Variants in SIPA1L3 observed in about 807,000 individuals in gnomAD.
SIPA1L3 encodes signal-induced proliferation-associated 1-like protein 3.
SIPA1L3 carries 59 observed loss-of-function variants against 150.1 expected under a neutral mutation model. The observed-to-expected ratio is 0.39, with a 90% confidence interval of 0.32 to 0.49. SIPA1L3 has a LOEUF of 0.49. SIPA1L3 is among the 20% of genes least tolerant of loss of function. SIPA1L3 has a pLI of 0.86. For synonymous variants in SIPA1L3, 1,070 were observed against 1,077.6 expected (o/e 0.99, Z 0.14); for missense variants, 2,211 against 2,489.5 (o/e 0.89, Z 2.38).
intron 2 of SIPA1L3, among the ~76,000 whole-genome samples, chr19:38,058,414 C>A (rs1272298410): frequency 6.6e-6 from 1 of 152,086 alleles, no homozygotes; most frequent in African/African-American, 2.4e-5. Context: ...AAGACAGGTG[C>A]CCCCCTGCAT....
rs542423351 is a variant in SIPA1L3, at chr19:38,067,370, CA to C, written c.-310-13885del. Among the ~76,000 whole-genome samples, 235 of 152,318 alleles carry C rather than the reference CA, an allele frequency of 1.5e-3. 1 individual carries two copies. Among genetic ancestry groups the C allele is most frequent in the African/African-American group, 5.4e-3 (225 of 41,578 alleles). The stretch of plus-strand genomic sequence containing the variant: ...GGGAGCCTTGCCAATTTGAATGTAA[CA>C]GCTGGACGTGGCCTCCCTCTCTCCT... On this transcript the variant is annotated intron_variant, in intron 2 of 21. Transcript: ENST00000222345.
chr19:38,056,294 C>T (rs569196839), intron 2 of SIPA1L3, among the ~76,000 whole-genome samples: 1 of 152,256 alleles, frequency 6.6e-6, no homozygotes, highest in East Asian at 1.9e-4. Flanking sequence ...CGGCAGGTCA[C>T]GATCTCCATG....
At chr19:38,102,010 T>C (rs1447258049) in intron 6 of SIPA1L3, among the ~76,000 whole-genome samples, 1 of 152,062 alleles carries the variant, frequency 6.6e-6, no homozygotes, top group Non-Finnish European at 1.5e-5. Context: ...ACCTGAATGA[T>C]GTCTTTTACA....
chr19:37,987,573 A>T (rs1568490374), intron 1 of SIPA1L3, among the ~76,000 whole-genome samples: 1 of 152,196 alleles, frequency 6.6e-6, no homozygotes, highest in Non-Finnish European at 1.5e-5. Context: ...GATCATCAAA[A>T]GTGTCTCCAA....
chr19:38,190,047 G>A (rs766662503), intron 16 of SIPA1L3, among the ~76,000 whole-genome samples: 7 of 152,166 alleles, frequency 4.6e-5, no homozygotes, highest in African/African-American at 1.4e-4. Flanking sequence ...GGGAGTGTCC[G>A]TGCACATGTG....
intron 2 of SIPA1L3, among the ~76,000 whole-genome samples, chr19:38,054,591 C>T (rs185490171): frequency 1.6e-3 from 246 of 151,608 alleles, no homozygotes; most frequent in Non-Finnish European, 2.5e-3. Context: ...AGAGCAACTC[C>T]ATCTCAAAAA....
chr19:38,093,229 G>C (rs1970300215), intron 4 of SIPA1L3, among the ~76,000 whole-genome samples: 1 of 152,162 alleles, frequency 6.6e-6, no homozygotes, highest in African/African-American at 2.4e-5. Flanking sequence ...AGTAAACCTA[G>C]AGGAGGGGAG....
At chr19:38,003,726 A>G (rs1271456286) in intron 1 of SIPA1L3, among the ~76,000 whole-genome samples, 1 of 151,980 alleles carries the variant, frequency 6.6e-6, no homozygotes, top group Non-Finnish European at 1.5e-5. Flanking sequence ...TTTCTCTTCC[A>G]TCCCGCCTCT....
intron 18 of SIPA1L3, 69 bp from the exon 19 acceptor site, chr19:38,198,320 T>G: frequency 7.1e-7 from 1 of 1,412,256 alleles, no homozygotes; most frequent in East Asian, 2.7e-5. Context: ...AGCAATGGGA[T>G]GTCTTCATGT....
intron 2 of SIPA1L3, among the ~76,000 whole-genome samples, chr19:38,079,757 T>C (rs1240043005): frequency 6.6e-6 from 1 of 152,172 alleles, no homozygotes; most frequent in Non-Finnish European, 1.5e-5. Context: ...GGTTTTGCCA[T>C]GTTGGCCAGG....
intron 1 of SIPA1L3, among the ~76,000 whole-genome samples, chr19:37,911,486 T>C (rs1460061877): frequency 6.6e-6 from 1 of 151,750 alleles, no homozygotes; most frequent in Non-Finnish European, 1.5e-5. Context: ...CCACTGCTGG[T>C]CCTTTAGGTT....
intron 2 of SIPA1L3, among the ~76,000 whole-genome samples, chr19:38,069,486 C>G (rs855600): frequency 0.19 from 28,825 of 151,856 alleles, 3,041 homozygotes; most frequent in African/African-American, 0.27. Context: ...TACAGCCTCT[C>G]CGAGCTCGGA....
chr19:38,132,229 A>G (rs1971328584), intron 10 of SIPA1L3, among the ~76,000 whole-genome samples: 1 of 151,692 alleles, frequency 6.6e-6, no homozygotes, highest in Non-Finnish European at 1.5e-5. Flanking sequence ...ACAGAGGGAG[A>G]CCTCATCTCT....
At chr19:38,101,303 G>A in intron 6 of SIPA1L3, 77 bp downstream of exon 6, 2 of 1,116,092 alleles carry the variant, frequency 1.8e-6, no homozygotes, top group Non-Finnish European at 2.4e-6. Flanking sequence ...AAAGGCCTGG[G>A]GATGCCACGG....
Position 38,142,629 on chromosome 19 carries a change from T to C in SIPA1L3, c.3452T>C (p.Val1151Ala), listed in dbSNP as rs763975753. The C allele has an allele frequency of 5.6e-6, 9 of 1,613,384 alleles. No individual in the cohort carries two copies. Among genetic ancestry groups the C allele is most frequent in the Non-Finnish European group, 7.6e-6 (9 of 1,179,812 alleles). The change falls in exon 12 of 22, where the codon GTC (valine) becomes GCC (alanine). Residue 1151 changes from valine (V) to alanine (A), a missense_variant. Physicochemically the swap from Val to Ala is moderately conservative, Grantham distance 64. Transcript: ENST00000222345. ...YTVSPAGADR[V>A]PPYRQPSGSF... ...GTATCACCAGCAGGGGCCGACAGAG[T>C]CCCTCCCTACCGACAGCCTTCTGGG...
At chr19:38,200,544 T>A (rs894994380) in intron 19 of SIPA1L3, 18 of 151,274 alleles carry the variant, frequency 1.2e-4, no homozygotes, top group Non-Finnish European at 2.1e-4. Flanking sequence ...AAAAAACAGA[T>A]GTCATTATAC....
chr19:38,082,715 C>T lies in SIPA1L3; in HGVS notation c.1150C>T (p.Leu384Phe), dbSNP rs1261724863. The change falls in exon 3 of 22, where the codon CTC (leucine) becomes TTC (phenylalanine). Residue 384 changes from leucine (L) to phenylalanine (F), a missense_variant. By Grantham distance (22) the Leu-to-Phe change is conservative. This residue lies in a region of SIPA1L3 where 587 missense variants were observed against 534.5 expected (regional missense o/e 1.10). Transcript: ENST00000222345. ...TTCCGCCGCCTCGGCCATGGCCTCC[C>T]TCACGGCCTCGCGGGCCCACAGCCT... ...AASAASAMASLTASRAHSLGG... is the reference protein window; with the variant it reads ...AASAASAMASFTASRAHSLGG... The T allele has an allele frequency of 2.5e-6, 4 of 1,611,228 alleles. No homozygotes were observed. The highest frequency in any genetic ancestry group is 3.4e-6 in the Non-Finnish European group (4 of 1,179,212).
At chr19:38,139,093 G>C (rs1971510669) in intron 10 of SIPA1L3, among the ~76,000 whole-genome samples, 1 of 151,630 alleles carries the variant, frequency 6.6e-6, no homozygotes, top group Non-Finnish European at 1.5e-5. Context: ...CTACTCAGGA[G>C]GCTAAGGCGC....
At chr19:38,072,218 G>GC (rs1969737830) in intron 2 of SIPA1L3, among the ~76,000 whole-genome samples, 1 of 152,164 alleles carries the variant, frequency 6.6e-6, no homozygotes, top group Non-Finnish European at 1.5e-5. Context: ...TTCCTCATCT[G>GC]TAAAATGGAG....
Sources: allele counts gnomAD v4.1 joint callset (sites outside exome capture counted in the v4.1 genomes callset), GRCh38; gene constraint gnomAD v4.1.1; regional missense constraint gnomAD v4.1.1; transcripts MANE v1.5; gene names NCBI Gene and HGNC (gene_info 2026-07-23, HGNC 2026-07-21).